CABLES1: variants seen among roughly 807,000 people sequenced by gnomAD.
The protein encoded by CABLES1 is CDK5 and ABL1 enzyme substrate 1.
A neutral mutation model predicts 57.8 loss-of-function variants in CABLES1; 36 were observed. That is an observed-to-expected ratio of 0.62 (90% confidence interval 0.48 to 0.82). The LOEUF (loss-of-function observed/expected upper bound fraction) is 0.82. Among genes scored for constraint, CABLES1 ranks in the 40% least tolerant of loss-of-function variants. The probability of loss-of-function intolerance (pLI) is 0.00; values close to 1 mark genes in which losing one functional copy is unlikely to be tolerated. For missense variants in CABLES1, 767 were observed against 836.6 expected, an observed-to-expected ratio of 0.92 and a Z score of 1.03; for synonymous variants, 374 against 363.0, an observed-to-expected ratio of 1.03 and a Z score of -0.35.
chr18:23,165,064 T>C (rs1036702011), intron 1 of CABLES1, among the ~76,000 whole-genome samples: 1 of 152,200 alleles, frequency 6.6e-6, no homozygotes, highest in East Asian at 1.9e-4. Flanking sequence ...TGAGCCACCA[T>C]GTCCGGCCTT....
At chr18:23,205,280 A>G (rs1221072974) in intron 3 of CABLES1, among the ~76,000 whole-genome samples, 3 of 136,126 alleles carry the variant, frequency 2.2e-5, no homozygotes, top group Admixed American at 1.8e-4. Context: ...TGCAGCCTCC[A>G]TCTCCTGGGT....
intron 1 of CABLES1, among the ~76,000 whole-genome samples, chr18:23,170,511 C>T (rs1269250769): frequency 3.3e-5 from 5 of 152,154 alleles, no homozygotes; most frequent in South Asian, 2.1e-4. Flanking sequence ...TGTGCATGGG[C>T]GTTGGGTCCA....
intron 4 of CABLES1, among the ~76,000 whole-genome samples, chr18:23,224,709 C>G (rs1215981878): frequency 1.3e-5 from 2 of 151,376 alleles, no homozygotes; most frequent in African/African-American, 4.9e-5. Context: ...GCTGGGATTA[C>G]AGGTGCCCGC....
At chr18:23,235,513 A>G (rs2047598869) in intron 5 of CABLES1, among the ~76,000 whole-genome samples, 1 of 152,052 alleles carries the variant, frequency 6.6e-6, no homozygotes, top group Non-Finnish European at 1.5e-5. Context: ...CTCACCAGGG[A>G]CTCTTGGGGC....
intron 1 of CABLES1, among the ~76,000 whole-genome samples, chr18:23,164,260 C>T (rs183641881): frequency 5.3e-5 from 8 of 152,320 alleles, no homozygotes; most frequent in Admixed American, 1.3e-4. Flanking sequence ...CCTAGCTCTC[C>T]GTAGCCTACA....
intron 1 of CABLES1, among the ~76,000 whole-genome samples, chr18:23,155,610 T>C (rs2046960163): frequency 6.6e-6 from 1 of 152,200 alleles, no homozygotes; most frequent in African/African-American, 2.4e-5. Context: ...TGTTGAGCCG[T>C]GTCCAGAGCT....
chr18:23,144,802 C>T (rs181491643), intron 1 of CABLES1, among the ~76,000 whole-genome samples: 4 of 152,226 alleles, frequency 2.6e-5, no homozygotes, highest in South Asian at 2.1e-4. Flanking sequence ...TTGCTGAAAT[C>T]GGTTGTGGTG....
chr18:23,145,937 T>C (rs1013311624), intron 1 of CABLES1, among the ~76,000 whole-genome samples: 18 of 152,220 alleles, frequency 1.2e-4, no homozygotes, highest in African/African-American at 4.3e-4. Flanking sequence ...AATATTGTAA[T>C]GATATGTGTG....
intron 2 of CABLES1, chr18:23,189,133 G>C: frequency 2.1e-6 from 1 of 486,476 alleles, no homozygotes. Context: ...TTTGCATGGA[G>C]ATTTGGGTGC....
intron 3 of CABLES1, among the ~76,000 whole-genome samples, chr18:23,206,379 G>A (rs953737005): frequency 3.3e-5 from 5 of 152,250 alleles, no homozygotes; most frequent in African/African-American, 1.2e-4. Flanking sequence ...CACAGTAATC[G>A]CTTGGTTGGG....
chr18:23,251,851 C>T (rs758920073), intron 7 of CABLES1, among the ~76,000 whole-genome samples: 97 of 152,084 alleles, frequency 6.4e-4, no homozygotes, highest in Non-Finnish European at 7.5e-4. Context: ...TTTGGGAGGC[C>T]GAGGCAGGCA....
Position 23,145,806 on chromosome 18 carries a change from C to T in CABLES1, c.845+9199C>T, listed in dbSNP as rs77687621. Among the ~76,000 whole-genome samples the T allele has an allele frequency of 4.3e-3, 651 of 152,288 alleles. 3 individuals are homozygous for T. Among genetic ancestry groups the T allele is most frequent in the African/African-American group, 0.015 (613 of 41,554 alleles). On this transcript the variant is annotated intron_variant, in intron 1 of 9. Coordinates refer to ENST00000256925, the MANE Select transcript of CABLES1 (RefSeq NM_001100619.3). ...TGTTTTAGTAGTTTGGATGGCTACG[C>T]ACTAGATCATATTTAATGAGGTTAT...
At chr18:23,193,910 C>T (rs1386074003) in intron 2 of CABLES1, among the ~76,000 whole-genome samples, 1 of 152,198 alleles carries the variant, frequency 6.6e-6, no homozygotes, top group East Asian at 1.9e-4. Context: ...AGTTGGGTCT[C>T]TGATTTCTCA....
intron 3 of CABLES1, among the ~76,000 whole-genome samples, chr18:23,208,318 G>T (rs753226309): frequency 2.6e-5 from 4 of 152,220 alleles, no homozygotes; most frequent in Non-Finnish European, 4.4e-5. Context: ...AGGAGGAAAA[G>T]CGTCCCCCCA....
At chr18:23,203,837 C>A (rs1174642537) in intron 3 of CABLES1, among the ~76,000 whole-genome samples, 1 of 152,158 alleles carries the variant, frequency 6.6e-6, no homozygotes, top group African/African-American at 2.4e-5. Context: ...CACCTTGCAA[C>A]ACGGACCCTT....
At chr18:23,188,712 G>T (rs2047220436) in intron 1 of CABLES1, 126 bp from the exon 2 acceptor site, 1 of 732,898 alleles carries the variant, frequency 1.4e-6, no homozygotes, top group Non-Finnish European at 2.4e-6. Flanking sequence ...CTTAGAGACA[G>T]CTTTTGTCTG....
chr18:23,159,638 A>G (rs2046989518), intron 1 of CABLES1, among the ~76,000 whole-genome samples: 1 of 152,252 alleles, frequency 6.6e-6, no homozygotes. Flanking sequence ...ATACACTGCT[A>G]AATAGATTCC....
At chr18:23,173,244 G>T (rs1273415401) in intron 1 of CABLES1, among the ~76,000 whole-genome samples, 1 of 152,186 alleles carries the variant, frequency 6.6e-6, no homozygotes, top group Non-Finnish European at 1.5e-5. Context: ...GGGAGGGTTT[G>T]CCCAGGTCTC....
chr18:23,204,191 C>T (rs1321453018), intron 3 of CABLES1, among the ~76,000 whole-genome samples: 1 of 152,198 alleles, frequency 6.6e-6, no homozygotes, highest in Non-Finnish European at 1.5e-5. Context: ...GCAGGGCAGT[C>T]ACTCGGCACT....
Sources: allele counts gnomAD v4.1 joint callset (sites outside exome capture counted in the v4.1 genomes callset), GRCh38; gene constraint gnomAD v4.1.1; transcripts MANE v1.5; gene names NCBI Gene and HGNC (gene_info 2026-07-23, HGNC 2026-07-21).